The following FASTK variants were observed in gnomAD, a reference collection of about 807,000 sequenced individuals.
The protein encoded by FASTK is fas-activated serine/threonine kinase.
FASTK carries 28 observed loss-of-function variants against 60.0 expected under a neutral mutation model. That is an observed-to-expected ratio of 0.47 (90% confidence interval 0.35 to 0.64). FASTK has a LOEUF of 0.64. Among genes scored for constraint, FASTK ranks in the 30% least tolerant of loss-of-function variants. The pLI, the probability that FASTK is intolerant of heterozygous loss-of-function variation, is 0.01. For missense variants in FASTK, 595 were observed against 713.8 expected, an observed-to-expected ratio of 0.83 and a Z score of 1.90; for synonymous variants, 325 against 307.9, an observed-to-expected ratio of 1.06 and a Z score of -0.58.
chr7:151,077,607 GCT>G lies in FASTK; in HGVS notation c.1199+12_1199+13del. 1 of 1,535,832 alleles carries G rather than the reference GCT, an allele frequency of 6.5e-7. No homozygotes were observed. The highest frequency in any genetic ancestry group is 8.8e-7 in the Non-Finnish European group (1 of 1,140,128). ...AGGCTGGCCCCTCCCCTTGCCCCAG[GCT>G]GCCCCATCCACCTGTACTTGCAGCG... On this transcript the variant is annotated intron_variant, in intron 6 of 9. Transcript: ENST00000297532.
chr7:151,077,338 G>T lies in FASTK; in HGVS notation c.1263C>A (p.Asp421Glu). 1 of 1,613,084 alleles carries T rather than the reference G, an allele frequency of 6.2e-7. No homozygotes were observed. The change falls in exon 7 of 10, where the codon GAC (aspartate) becomes GAA (glutamate). Residue 421 changes from aspartate (D) to glutamate (E), a missense_variant. By Grantham distance (45) the Asp-to-Glu change is conservative (BLOSUM62 2). Coordinates refer to ENST00000297532, the MANE Select transcript of FASTK (RefSeq NM_006712.5). ...QLLGEEKYRQDLTVPPGYCTD... is the reference protein window; with the variant it reads ...QLLGEEKYRQELTVPPGYCTD... ...TGCAGTAGCCTGGAGGCACAGTCAGGTCCTGGCGGTATTTCTCCTCCCCCA... is the reference window on the plus strand; with the variant it reads ...TGCAGTAGCCTGGAGGCACAGTCAGTTCCTGGCGGTATTTCTCCTCCCCCA...
Position 151,079,844 on chromosome 7 carries a change from A to C in FASTK, c.161T>G (p.Leu54Arg). ...ACAGCAGGGCTGTACTGGAGGGATCAGCAGCAGGCCAGACAGCCGAGCAGG... is the reference window on the plus strand; with the variant it reads ...ACAGCAGGGCTGTACTGGAGGGATCCGCAGCAGGCCAGACAGCCGAGCAGG... Reference protein sequence around the residue: ...TSPARLSGLLLIPPVQPCCLG... With the variant: ...TSPARLSGLLRIPPVQPCCLG... The change falls in exon 2 of 10, where the codon CTG becomes CGG. Residue 54 changes from leucine (L) to arginine (R), a missense_variant. By Grantham distance (102) the Leu-to-Arg change is moderately radical. Around this residue, in one of 2 missense-constraint regions of FASTK, gnomAD observed 124 missense variants for 107.9 expected, o/e 1.15. Transcript: ENST00000297532. 1 of 1,603,972 alleles carries C rather than the reference A, an allele frequency of 6.2e-7. No individual in the cohort carries two copies. Among genetic ancestry groups the C allele is most frequent in the Non-Finnish European group, 8.5e-7 (1 of 1,175,438 alleles).
In FASTK at chr7:151,078,962, G is replaced by A. The variant is rs550607439; in HGVS notation, c.565C>T (p.Pro189Ser). 23 of 1,559,174 alleles carry A rather than the reference G, an allele frequency of 1.5e-5. No individual in the cohort carries two copies. The East Asian group carries it at 4.8e-4, about 33-fold the overall frequency. ...TGCAAAGGGGGAGGTGGCTTCGGAG[G>A]GAGGCGGAGCCTTCGCTCCTGTTCC... is the stretch of plus-strand genomic sequence containing the variant. ...ALEQERRLRL[P>S]PKPPPPLQPL... is the part of the protein sequence containing the mutation. The change falls in exon 3 of 10, where the codon CCT (proline) becomes TCT (serine). Residue 189 changes from proline to serine, a missense_variant. This residue lies in a region of FASTK where 471 missense variants were observed against 605.9 expected (regional missense o/e 0.78). Coordinates refer to ENST00000297532, the MANE Select transcript of FASTK (RefSeq NM_006712.5).
intron 4 of FASTK, among the ~76,000 whole-genome samples, 198 bp downstream of exon 4, chr7:151,078,364 A>G (rs528056937): frequency 1.8e-4 from 27 of 152,270 alleles, no homozygotes; most frequent in Admixed American, 1.8e-3. Context: ...GCTTTGGGAA[A>G]CTGCAGATTT....
At position 151,079,785 on chromosome 7, in the gene FASTK, C is replaced by T. The variant is rs748285652; in HGVS notation, c.220G>A (p.Gly74Arg). The change falls in exon 2 of 10, where the codon GGA (glycine) becomes AGA (arginine). Residue 74 changes from glycine (G) to arginine (R), a missense_variant. This residue lies in a region of FASTK where 124 missense variants were observed against 107.9 expected (regional missense o/e 1.15). Coordinates refer to ENST00000297532, the MANE Select transcript of FASTK (RefSeq NM_006712.5). ...GPSKWGDRPV[G>R]GGPSAGPVQG... The stretch of plus-strand genomic sequence containing the variant: ...ACAGGACCTGCACTGGGGCCTCCTC[C>T]AACAGGCCGGTCCCCCCATTTGCTG... 1 of 1,600,600 alleles carries T rather than the reference C, an allele frequency of 6.2e-7. No homozygotes were observed. Among genetic ancestry groups the T allele is most frequent in the Non-Finnish European group, 8.5e-7 (1 of 1,173,708 alleles).
rs1312809170 is a variant in FASTK at position 151,080,699 on chromosome 7, C to T, written c.68G>A (p.Gly23Glu). 33 of 1,409,994 alleles carry T rather than the reference C, an allele frequency of 2.3e-5. No homozygotes were observed. The highest frequency in any genetic ancestry group is 3.0e-5 in the Non-Finnish European group (33 of 1,085,446). The allele number at this position is 1,409,994 out of a possible 1,614,324, so 87.3% of individuals were successfully genotyped here. The part of the protein sequence containing the change: ...PRPTEGATCA[G>E]PGESWSPSPN... ...GCCACCCCTACATGACTCCCCGGGC[C>T]CTGCGCAGGTCGCTCCCTCAGTCGG... The change falls in exon 1 of 10, where the codon GGG becomes GAG. Residue 23 changes from glycine to glutamate, a missense_variant. Physicochemically the swap from Gly to Glu is moderately conservative, Grantham distance 98 (BLOSUM62 -2). Around this residue, in one of 2 missense-constraint regions of FASTK, gnomAD observed 124 missense variants for 107.9 expected, o/e 1.15. Coordinates refer to ENST00000297532, the MANE Select transcript of FASTK (RefSeq NM_006712.5).
Position 151,079,577 on chromosome 7 carries a change from C to T in FASTK, c.428G>A (p.Ser143Asn). 1.2e-6 allele frequency: 2 copies of T among 1,613,992 alleles called. No homozygotes were observed. The highest frequency in any genetic ancestry group is 1.7e-6 in the Non-Finnish European group (2 of 1,179,974). Reference protein sequence around the residue: ...PVEQVTLQDLSQLIIRNCPSF... With the variant: ...PVEQVTLQDLNQLIIRNCPSF... ...GGGGCAGTTTCGGATGATGAGCTGA[C>T]TCAAGTCCTGCAGTGTGACCTGCTC... The change falls in exon 2 of 10, where the codon AGT becomes AAT. Residue 143 changes from serine (S) to asparagine (N), a missense_variant. Transcript: ENST00000297532.
intron 1 of FASTK, 115 bp from the exon 2 acceptor site, chr7:151,080,037 T>A: frequency 1.1e-6 from 1 of 910,010 alleles, no homozygotes; most frequent in Non-Finnish European, 1.6e-6. Context: ...CAAGCCTTTG[T>A]GACTGCTCTG....
At chr7:151,077,273 T>TCCGTCTCC in intron 7 of FASTK, 37 bp from the exon 8 acceptor site, 1 of 1,611,854 alleles carries the variant, frequency 6.2e-7, no homozygotes, top group Non-Finnish European at 8.5e-7. Flanking sequence ...TAGCCAGGGC[T>TCCGTCTCC]CCGTCTCCCC....
At position 151,077,296 on chromosome 7, in the gene FASTK, T is replaced by C. The variant is rs1797715743; in HGVS notation, c.1291+14A>G. 3.1e-6 allele frequency: 5 copies of C among 1,612,724 alleles called. No homozygotes were observed. Among genetic ancestry groups the C allele is most frequent in the Non-Finnish European group, 4.2e-6 (5 of 1,179,748 alleles). On this transcript the variant is annotated intron_variant, in intron 7 of 9. Transcript: ENST00000297532. Reference sequence around the variant, plus strand: ...GCTCCGTCTCCCCGGGCCTGCCGCCTGCCCCTTGCTCACCTGTGCAGTAGC... The same window carrying C: ...GCTCCGTCTCCCCGGGCCTGCCGCCCGCCCCTTGCTCACCTGTGCAGTAGC...
Position 151,078,864 on chromosome 7 carries a change from C to T in FASTK, c.663G>A (p.Gln221=). The change falls in exon 3 of 10, where the codon CAG becomes CAA. Residue 221 remains glutamine, a synonymous_variant. Coordinates refer to ENST00000297532, the MANE Select transcript of FASTK (RefSeq NM_006712.5). The stretch of plus-strand genomic sequence containing the variant: ...CACCTGCCAGGCTGCTGATCAGATG[C>T]TGCCGTGGATACCGCAGAAAACGGG... ...SCPRFLRYPR[Q]HLISSLAEAR... 6.2e-7 allele frequency: 1 copy of T among 1,607,716 alleles called. No homozygotes were observed. The highest frequency in any genetic ancestry group is 8.5e-7 in the Non-Finnish European group (1 of 1,178,006).
chr7:151,079,927 G>A lies in FASTK; in HGVS notation c.83-5C>T. On this transcript the variant is annotated splice_polypyrimidine_tract_variant and splice_region_variant and intron_variant, in intron 1 of 9. Transcript: ENST00000297532. The stretch of plus-strand genomic sequence containing the variant: ...TGGAGTTGGGTGATGGAGACCCTGA[G>A]GGGCAGCCCAAAAAAGGGGGTGAGG... The A allele has an allele frequency of 6.4e-7, 1 of 1,572,016 alleles. No homozygotes were observed. The highest frequency in any genetic ancestry group is 8.7e-7 in the Non-Finnish European group (1 of 1,153,158).
chr7:151,078,770 A>G, intron 3 of FASTK, 69 bp from the exon 4 acceptor site: 1 of 1,609,414 alleles, frequency 6.2e-7, no homozygotes, highest in South Asian at 1.1e-5. Flanking sequence ...ACCTCAGCCC[A>G]GCCAACTGAG....
At chr7:151,079,406 G>T in intron 2 of FASTK, 94 bp downstream of exon 2, 1 of 1,268,614 alleles carries the variant, frequency 7.9e-7, no homozygotes, top group Non-Finnish European at 1.1e-6. Flanking sequence ...GCAAACGCCT[G>T]AGAGGCTGGG....
At position 151,078,967 on chromosome 7, in the gene FASTK, C is replaced by T. The variant is rs761778464; in HGVS notation, c.560G>A (p.Arg187His). Residue 187 changes from arginine (R) to histidine (H), a missense_variant, in exon 3 of 10, where the codon CGC becomes CAC. Coordinates refer to ENST00000297532, the MANE Select transcript of FASTK (RefSeq NM_006712.5). ...AGGGGGAGGTGGCTTCGGAGGGAGG[C>T]GGAGCCTTCGCTCCTGTTCCAGGGC... ...VCALEQERRL[R>H]LPPKPPPPLQ... 54 of 1,550,624 alleles carry T rather than the reference C, an allele frequency of 3.5e-5. No individual in the cohort carries two copies. Among genetic ancestry groups the T allele is most frequent in the Admixed American group, 1.1e-4 (5 of 43,592 alleles).
chr7:151,080,629 G>T, intron 1 of FASTK, 56 bp downstream of exon 1: 1 of 1,395,660 alleles, frequency 7.2e-7, no homozygotes, highest in East Asian at 3.1e-5. Context: ...GGCCGCTGCC[G>T]CTAACACCAG....
In FASTK at chr7:151,078,455, G is replaced by A. The variant is rs537144353; in HGVS notation, c.825+107C>T. ...AGATGCAGGTCCCAGGGGACAGAGA[G>A]GGTGTGTCTGCTTCAGGAAAAGGAT... On this transcript the variant is annotated intron_variant, in intron 4 of 9. Transcript: ENST00000297532. The A allele has an allele frequency of 8.8e-6, 11 of 1,255,678 alleles. No individual in the cohort carries two copies. In the South Asian group the frequency reaches 1.3e-4, roughly 15 times the overall value. The allele number at this position is 1,255,678 out of a possible 1,614,324, so 77.8% of individuals were successfully genotyped here.
chr7:151,077,788 G>A lies in FASTK; in HGVS notation c.1040-8C>T, dbSNP rs1255770792. On this transcript the variant is annotated splice_region_variant and splice_polypyrimidine_tract_variant and intron_variant, in intron 5 of 9. Coordinates refer to ENST00000297532, the MANE Select transcript of FASTK (RefSeq NM_006712.5). Reference sequence around the variant, plus strand: ...TCAGAGCATGAGGGGTGCCTGTGGGGAGGCGGGGACTGGGGCTCTGGGCTG... The same window carrying A: ...TCAGAGCATGAGGGGTGCCTGTGGGAAGGCGGGGACTGGGGCTCTGGGCTG... The A allele has an allele frequency of 6.3e-7, 1 of 1,594,774 alleles. No homozygotes were observed.
At chr7:151,078,195 C>T in intron 4 of FASTK, 103 bp from the exon 5 acceptor site, 1 of 863,818 alleles carries the variant, frequency 1.2e-6, no homozygotes, top group Non-Finnish European at 1.8e-6. Flanking sequence ...TACAACACTG[C>T]TGTAAAGACA....
Sources: gnomAD v4.1 joint callset for allele counts (sites outside exome capture counted in the v4.1 genomes callset) on GRCh38, gnomAD v4.1.1 for gene constraint, gnomAD v4.1.1 regional missense constraint, MANE v1.5 for transcripts, NCBI Gene and HGNC (gene_info 2026-07-23, HGNC 2026-07-21) for gene names.